The following PCDH9 variants were observed in gnomAD, a reference collection of about 807,000 sequenced individuals.
PCDH9 encodes protocadherin-9.
Under a neutral mutation model 70.6 loss-of-function variants are expected in PCDH9, and 24 were observed. The ratio of observed to expected loss-of-function variants is 0.34; its 90% confidence interval spans 0.25 to 0.48. The LOEUF (loss-of-function observed/expected upper bound fraction) is 0.48. Ranked by LOEUF, PCDH9 falls within the 20% of genes least tolerant of loss-of-function variation. The pLI is 0.99. For synonymous variants in PCDH9, 562 were observed against 558.5 expected (o/e 1.01, Z -0.09); for missense variants, 1,281 against 1,503.6 (o/e 0.85, Z 2.45).
chr13:66,745,354 C>T (rs374635685), intron 3 of PCDH9, among the ~76,000 whole-genome samples: 37 of 152,112 alleles, frequency 2.4e-4, no homozygotes, highest in African/African-American at 8.7e-4. Context: ...TTCATCATTG[C>T]TCATAGGGCA....
intron 2 of PCDH9, among the ~76,000 whole-genome samples, chr13:67,146,235 C>G (rs1387596847): frequency 6.6e-6 from 1 of 152,070 alleles, no homozygotes; most frequent in Admixed American, 6.5e-5. Context: ...TTTAATAAAG[C>G]CCTTACTAAG....
intron 2 of PCDH9, among the ~76,000 whole-genome samples, chr13:67,055,040 A>C (rs962216224): frequency 2.0e-5 from 3 of 152,206 alleles, no homozygotes; most frequent in Non-Finnish European, 2.9e-5. Flanking sequence ...TAAAGTTCTC[A>C]CTATTGTGTT....
At chr13:66,611,895 T>TA (rs1175680701) in intron 4 of PCDH9, among the ~76,000 whole-genome samples, 1 of 152,214 alleles carries the variant, frequency 6.6e-6, no homozygotes, top group Non-Finnish European at 1.5e-5. Flanking sequence ...AAGTCAGAGT[T>TA]ACCTGCCTAA....
At chr13:66,310,419 C>A (rs946553378) in intron 4 of PCDH9, among the ~76,000 whole-genome samples, 14 of 152,028 alleles carry the variant, frequency 9.2e-5, no homozygotes, top group African/African-American at 2.9e-4. Context: ...GGAACTCCAA[C>A]TATACTTAAG....
intron 3 of PCDH9, among the ~76,000 whole-genome samples, chr13:66,706,069 A>T (rs185769488): frequency 4.1e-4 from 62 of 152,328 alleles, no homozygotes; most frequent in Admixed American, 3.1e-3. Context: ...CACTATGTAA[A>T]TGAGCAGTCG....
At chr13:66,509,321 A>T (rs925055430) in intron 4 of PCDH9, among the ~76,000 whole-genome samples, 1 of 152,106 alleles carries the variant, frequency 6.6e-6, no homozygotes, top group Non-Finnish European at 1.5e-5. Flanking sequence ...GAACCTGGGA[A>T]CCATCTTGTT....
chr13:66,397,363 G>A (rs1166986397), intron 4 of PCDH9, among the ~76,000 whole-genome samples: 1 of 151,982 alleles, frequency 6.6e-6, no homozygotes, highest in Admixed American at 6.6e-5. Context: ...AGGCTTCGGT[G>A]AGCTGTGTTC....
chr13:66,566,598 T>C (rs2076655529), intron 4 of PCDH9, among the ~76,000 whole-genome samples: 1 of 152,186 alleles, frequency 6.6e-6, no homozygotes, highest in African/African-American at 2.4e-5. Flanking sequence ...TATATTAAAA[T>C]CACTATATAT....
At chr13:66,523,944 A>G (rs1217480436) in intron 4 of PCDH9, among the ~76,000 whole-genome samples, 2 of 152,064 alleles carry the variant, frequency 1.3e-5, no homozygotes, top group Admixed American at 6.6e-5. Flanking sequence ...AGTGTCTACC[A>G]GTGAAGGCAT....
intron 2 of PCDH9, among the ~76,000 whole-genome samples, chr13:67,101,661 A>T (rs2086437546): frequency 6.6e-6 from 1 of 152,218 alleles, no homozygotes; most frequent in African/African-American, 2.4e-5. Context: ...ACACACTCCA[A>T]ATAATATTTC....
In PCDH9 at chr13:66,442,078, A is replaced by G. The variant is rs991623899; in HGVS notation, c.3341-137050T>C. 2.6e-5 allele frequency among the ~76,000 whole-genome samples: 4 copies of G among 152,138 alleles called. No individual in the cohort carries two copies. In the East Asian group the frequency reaches 5.8e-4, roughly 22 times the overall value. On this transcript the variant is annotated intron_variant, in intron 4 of 4. Coordinates refer to ENST00000377865, the MANE Select transcript of PCDH9 (RefSeq NM_203487.3). ...CATAAGTTTACAGGTAATGTTTCCA[A>G]CTACTTAAAGGGATGGGGAGGATTC...
chr13:67,024,250 A>T (rs1183620690), intron 2 of PCDH9, among the ~76,000 whole-genome samples: 1 of 152,186 alleles, frequency 6.6e-6, no homozygotes, highest in East Asian at 1.9e-4. Flanking sequence ...ACTGAAGTTG[A>T]TATTAACAAA....
At chr13:67,154,557 C>T (rs1214714529) in intron 2 of PCDH9, among the ~76,000 whole-genome samples, 1 of 113,680 alleles carries the variant, frequency 8.8e-6, no homozygotes, top group African/African-American at 3.5e-5. Flanking sequence ...GACAGGGAAA[C>T]AGACGGAGAC....
intron 2 of PCDH9, among the ~76,000 whole-genome samples, chr13:67,035,832 T>C (rs1171205724): frequency 6.6e-6 from 1 of 152,094 alleles, no homozygotes; most frequent in African/African-American, 2.4e-5. Flanking sequence ...CAAAGAATAA[T>C]ACAAATATTT....
At chr13:66,574,645 ATAAT>A (rs1251939772) in intron 4 of PCDH9, among the ~76,000 whole-genome samples, 2 of 152,204 alleles carry the variant, frequency 1.3e-5, no homozygotes, top group Non-Finnish European at 2.9e-5. Context: ...GTCCTCAGAA[ATAAT>A]TTATTTAAGC....
chr13:66,459,132 CT>C (rs1381433457), intron 4 of PCDH9, among the ~76,000 whole-genome samples: 3 of 151,934 alleles, frequency 2.0e-5, no homozygotes, highest in African/African-American at 4.8e-5. Flanking sequence ...GGGAAAAATA[CT>C]TCCAGGGTCC....
chr13:66,718,833 A>T (rs1032272584), intron 3 of PCDH9, among the ~76,000 whole-genome samples: 1 of 152,186 alleles, frequency 6.6e-6, no homozygotes, highest in African/African-American at 2.4e-5. Flanking sequence ...TATTTTCTTG[A>T]GCAAATTAAT....
intron 4 of PCDH9, among the ~76,000 whole-genome samples, chr13:66,457,655 A>G (rs947389821): frequency 6.6e-6 from 1 of 152,140 alleles, no homozygotes; most frequent in African/African-American, 2.4e-5. Context: ...AGAGCTAGGA[A>G]TTAGTATTTT....
At chr13:66,829,318 G>T (rs1460515107) in intron 3 of PCDH9, among the ~76,000 whole-genome samples, 2 of 151,880 alleles carry the variant, frequency 1.3e-5, no homozygotes, top group Non-Finnish European at 2.9e-5. Context: ...CTCCCGGCCG[G>T]GAATCTTTTT....
Sources: gnomAD v4.1 joint callset for allele counts (sites outside exome capture counted in the v4.1 genomes callset) on GRCh38, gnomAD v4.1.1 for gene constraint, MANE v1.5 for transcripts, NCBI Gene and HGNC (gene_info 2026-07-23, HGNC 2026-07-21) for gene names.